Variants in B3GALT1 observed in about 807,000 individuals in gnomAD.
The protein encoded by B3GALT1 is beta-1,3-galactosyltransferase 1, also known as UDP-Gal:betaGlcNAc beta 1,3-galactosyltransferase, polypeptide 1.
A neutral mutation model predicts 23.2 loss-of-function variants in B3GALT1; 10 were observed. That is an observed-to-expected ratio of 0.43 (90% CI 0.27 to 0.73). B3GALT1 has a LOEUF of 0.73. Among genes scored for constraint, B3GALT1 ranks in the 30% least tolerant of loss-of-function variants. The pLI is 0.21. For missense variants in B3GALT1, 299 were observed against 405.4 expected (o/e 0.74, Z 2.25); for synonymous variants, 156 against 141.5 (o/e 1.10, Z -0.73).
intron 3 of B3GALT1, among the ~76,000 whole-genome samples, chr2:167,699,198 G>T (rs1286434626): frequency 6.6e-6 from 1 of 151,894 alleles, no homozygotes; most frequent in Non-Finnish European, 1.5e-5. Context: ...GTAATAAGTG[G>T]TTTTTTAATG....
chr2:167,314,772 T>C (rs1010017432), intron 1 of B3GALT1, among the ~76,000 whole-genome samples: 2 of 152,156 alleles, frequency 1.3e-5, no homozygotes, highest in Admixed American at 6.6e-5. Flanking sequence ...CTATTTTGTA[T>C]TTTAAAGCCC....
At chr2:167,592,778 A>G (rs750128049) in intron 2 of B3GALT1, among the ~76,000 whole-genome samples, 3 of 152,176 alleles carry the variant, frequency 2.0e-5, no homozygotes, top group Non-Finnish European at 2.9e-5. Flanking sequence ...TGAGGGGAGG[A>G]GCATGGTTAA....
Position 167,478,954 on chromosome 2 carries a change from C to G in B3GALT1, c.-510-11223C>G, listed in dbSNP as rs969668544. Among the ~76,000 whole-genome samples, 11 of 152,082 alleles carry G rather than the reference C, an allele frequency of 7.2e-5. No individual in the cohort carries two copies. In the South Asian group the frequency reaches 1.2e-3, roughly 17 times the overall value. On this transcript the variant is annotated intron_variant, in intron 1 of 4. Coordinates refer to ENST00000392690, the MANE Select transcript of B3GALT1 (RefSeq NM_020981.4). ...TTGTAATATTTTGGATTGTATGCTA[C>G]TTGGGAGGCTGGGGCAGGAGAATGG...
intron 4 of B3GALT1, among the ~76,000 whole-genome samples, chr2:167,825,462 A>G (rs12477623): frequency 0.17 from 22,785 of 137,140 alleles, 2,282 homozygotes; most frequent in East Asian, 0.42. Flanking sequence ...GTGTGCGTGC[A>G]CGTGTGTGTG....
chr2:167,460,176 A>G (rs1381681453), intron 1 of B3GALT1, among the ~76,000 whole-genome samples: 1 of 152,178 alleles, frequency 6.6e-6, no homozygotes, highest in African/African-American at 2.4e-5. Flanking sequence ...AAAATTATCC[A>G]TTATTTCTTT....
intron 3 of B3GALT1, chr2:167,814,911 T>A (rs1688965085): frequency 6.6e-6 from 1 of 152,174 alleles, no homozygotes; most frequent in African/African-American, 2.4e-5. Context: ...CATTGCCTAT[T>A]TTTGTGTTAT....
chr2:167,401,569 C>T (rs1247930052), intron 1 of B3GALT1, among the ~76,000 whole-genome samples: 2 of 152,106 alleles, frequency 1.3e-5, no homozygotes, highest in Admixed American at 1.3e-4. Context: ...TTCACAATGA[C>T]CCTCACTAAT....
At chr2:167,756,544 T>G (rs4667542) in intron 3 of B3GALT1, among the ~76,000 whole-genome samples, 43,365 of 152,072 alleles carry the variant, frequency 0.29, 6,383 homozygotes, top group African/African-American at 0.34. Flanking sequence ...TCTAATTAAT[T>G]TTGGCTCGGC....
At chr2:167,666,194 C>T (rs1436422214) in intron 3 of B3GALT1, among the ~76,000 whole-genome samples, 2 of 152,194 alleles carry the variant, frequency 1.3e-5, no homozygotes, top group Admixed American at 1.3e-4. Flanking sequence ...TGTCTGCCTT[C>T]ATTTCATTAT....
chr2:167,573,081 G>A (rs1684323435), intron 2 of B3GALT1, among the ~76,000 whole-genome samples: 1 of 151,732 alleles, frequency 6.6e-6, no homozygotes, highest in Non-Finnish European at 1.5e-5. Context: ...AATTCCTGCT[G>A]TGTGCAAAGG....
At chr2:167,433,486 G>A (rs1163879516) in intron 1 of B3GALT1, among the ~76,000 whole-genome samples, 2 of 152,098 alleles carry the variant, frequency 1.3e-5, no homozygotes, top group Admixed American at 6.5e-5. Context: ...AGAAAATGTA[G>A]AATACATAGG....
intron 1 of B3GALT1, among the ~76,000 whole-genome samples, chr2:167,324,965 A>T (rs1317073444): frequency 1.3e-5 from 2 of 151,992 alleles, no homozygotes; most frequent in African/African-American, 4.8e-5. Context: ...GAGTGATAAC[A>T]TGTGATATTT....
intron 3 of B3GALT1, among the ~76,000 whole-genome samples, chr2:167,732,765 A>G (rs1687428390): frequency 6.6e-6 from 1 of 152,240 alleles, no homozygotes; most frequent in Non-Finnish European, 1.5e-5. Context: ...CATTCTGGTA[A>G]CATAACAATA....
intron 2 of B3GALT1, among the ~76,000 whole-genome samples, chr2:167,513,165 T>G (rs1294225439): frequency 6.7e-6 from 1 of 149,648 alleles, no homozygotes; most frequent in African/African-American, 2.5e-5. Context: ...AAATGACACA[T>G]GAAGAAGTCA....
At chr2:167,826,213 G>A (rs2105372859) in intron 4 of B3GALT1, among the ~76,000 whole-genome samples, 1 of 152,270 alleles carries the variant, frequency 6.6e-6, no homozygotes, top group Admixed American at 6.5e-5. Context: ...TTGACTCCCG[G>A]TCTTGCGCTC....
chr2:167,513,976 G>A (rs1004255476), intron 2 of B3GALT1, among the ~76,000 whole-genome samples: 3 of 151,918 alleles, frequency 2.0e-5, no homozygotes, highest in African/African-American at 7.3e-5. Context: ...GTGCAGTATC[G>A]GCTCACTGCA....
At chr2:167,447,517 G>A (rs556705468) in intron 1 of B3GALT1, among the ~76,000 whole-genome samples, 3 of 152,162 alleles carry the variant, frequency 2.0e-5, no homozygotes, top group African/African-American at 2.4e-5. Context: ...CACCCAGTTC[G>A]AGCTTCCTGG....
chr2:167,734,236 G>C (rs988002274), intron 3 of B3GALT1, among the ~76,000 whole-genome samples: 1 of 152,138 alleles, frequency 6.6e-6, no homozygotes, highest in Non-Finnish European at 1.5e-5. Flanking sequence ...CTTTCAGAGT[G>C]AATCAGTGAG....
In B3GALT1 at chr2:167,552,880, TTGC is replaced by T. The variant is rs1683774063; in HGVS notation, c.-410+62606_-410+62608del. 2.0e-5 allele frequency among the ~76,000 whole-genome samples: 3 copies of T among 152,324 alleles called. 1 individual carries two copies. The South Asian group carries it at 6.2e-4, about 32-fold the overall frequency. On this transcript the variant is annotated intron_variant, in intron 2 of 4. Coordinates refer to ENST00000392690, the MANE Select transcript of B3GALT1 (RefSeq NM_020981.4). ...TTTTAATCATACAGTGCATCCCATC[TTGC>T]TGTTTTTTGAAATATGTTTCTGGTC...
Sources: allele counts gnomAD v4.1 joint callset (sites outside exome capture counted in the v4.1 genomes callset), GRCh38; gene constraint gnomAD v4.1.1; transcripts MANE v1.5; gene names NCBI Gene and HGNC (gene_info 2026-07-23, HGNC 2026-07-21).